The following FBXL17 variants were observed in gnomAD, a reference collection of about 807,000 sequenced individuals.
FBXL17 encodes the protein F-box and leucine rich repeat protein 17.
In FBXL17, 22 loss-of-function variants were observed where a neutral mutation model predicts 66.2. The ratio of observed to expected loss-of-function variants is 0.33; its 90% CI spans 0.24 to 0.47. The LOEUF is 0.47. FBXL17 is among the 20% of genes least tolerant of loss of function. FBXL17 has a pLI of 1.00. For synonymous variants in FBXL17, 474 were observed against 400.5 expected (o/e 1.18, Z -2.19); for missense variants, 878 against 948.2 (o/e 0.93, Z 0.97).
chr5:108,219,841 T>A (rs1424618954), intron 5 of FBXL17, among the ~76,000 whole-genome samples: 2 of 151,492 alleles, frequency 1.3e-5, no homozygotes, highest in African/African-American at 2.4e-5. Context: ...ATCTATCTTA[T>A]CAAATCACTA....
At chr5:108,022,297 G>T (rs956360255) in intron 6 of FBXL17, among the ~76,000 whole-genome samples, 9 of 151,884 alleles carry the variant, frequency 5.9e-5, no homozygotes, top group Non-Finnish European at 8.8e-5. Context: ...GATACAGGTT[G>T]TGAGGGAAAT....
intron 4 of FBXL17, 123 bp downstream of exon 4, chr5:108,348,276 C>T (rs1205482741): frequency 4.9e-6 from 4 of 817,418 alleles, no homozygotes; most frequent in Non-Finnish European, 5.5e-6. Flanking sequence ...AGGATTTTTG[C>T]TTTTGATTAA....
At chr5:108,378,560 C>A (rs996881702) in intron 1 of FBXL17, among the ~76,000 whole-genome samples, 3 of 152,110 alleles carry the variant, frequency 2.0e-5, no homozygotes, top group African/African-American at 7.2e-5. Context: ...TTCCCTTCTC[C>A]AAGTCAAACA....
Position 108,368,527 on chromosome 5 carries a change from C to G in FBXL17, c.994-574G>C, listed in dbSNP as rs551914258. Among the ~76,000 whole-genome samples the G allele has an allele frequency of 3.7e-4, 57 of 152,122 alleles. No homozygotes were observed. In the South Asian group the frequency reaches 9.3e-3, roughly 25 times the overall value. On this transcript the variant is annotated intron_variant, in intron 1 of 8. Transcript: ENST00000542267. ...TAAATGTGGGACATTCTACAAAATA[C>G]TGGATCAAAACTCCTCAAAAAATTC...
At chr5:108,267,122 T>C (rs922734257) in intron 4 of FBXL17, among the ~76,000 whole-genome samples, 7 of 152,172 alleles carry the variant, frequency 4.6e-5, no homozygotes, top group Admixed American at 3.9e-4. Flanking sequence ...TAGCATAATA[T>C]ATTCAGGATT....
intron 2 of FBXL17, among the ~76,000 whole-genome samples, chr5:108,367,087 A>T (rs1042743583): frequency 6.6e-6 from 1 of 152,130 alleles, no homozygotes; most frequent in Non-Finnish European, 1.5e-5. Context: ...TTATCAGCAC[A>T]CTAGTAGTAA....
intron 7 of FBXL17, among the ~76,000 whole-genome samples, chr5:107,920,086 T>C (rs537259152): frequency 4.9e-4 from 74 of 152,330 alleles, no homozygotes; most frequent in African/African-American, 1.7e-3. Context: ...TTCAGTGTTG[T>C]CACTCCTCTT....
At chr5:108,081,770 C>A (rs1237064440) in intron 6 of FBXL17, among the ~76,000 whole-genome samples, 1 of 152,048 alleles carries the variant, frequency 6.6e-6, no homozygotes, top group Non-Finnish European at 1.5e-5. Context: ...GATCTCCTTA[C>A]AACCACATGT....
intron 8 of FBXL17, among the ~76,000 whole-genome samples, chr5:107,871,377 A>C (rs550427890): frequency 1.8e-4 from 27 of 152,338 alleles, no homozygotes; most frequent in South Asian, 1.7e-3. Context: ...AAACGCCTGC[A>C]GTGTTAAGTG....
chr5:107,992,075 C>T (rs1753272684), intron 7 of FBXL17, among the ~76,000 whole-genome samples: 1 of 142,638 alleles, frequency 7.0e-6, no homozygotes, highest in Non-Finnish European at 1.5e-5. Flanking sequence ...CATGCACACA[C>T]ATATCATATT....
chr5:107,910,680 T>C (rs1172730394), intron 7 of FBXL17, among the ~76,000 whole-genome samples: 2 of 152,138 alleles, frequency 1.3e-5, no homozygotes, highest in Non-Finnish European at 2.9e-5. Context: ...TGATATACCA[T>C]TAAAAATATT....
chr5:108,143,207 C>A (rs560411647), intron 6 of FBXL17, among the ~76,000 whole-genome samples: 42 of 151,934 alleles, frequency 2.8e-4, no homozygotes, highest in Non-Finnish European at 6.0e-4. Context: ...GGGACCACTG[C>A]CTTACATGAT....
intron 6 of FBXL17, among the ~76,000 whole-genome samples, chr5:108,085,337 G>C (rs1748927012): frequency 6.6e-6 from 1 of 152,182 alleles, no homozygotes; most frequent in Admixed American, 6.5e-5. Flanking sequence ...AACACAGCCA[G>C]AGGCATTTTC....
intron 3 of FBXL17, among the ~76,000 whole-genome samples, chr5:108,360,325 C>G (rs1269130000): frequency 6.6e-6 from 1 of 152,082 alleles, no homozygotes; most frequent in African/African-American, 2.4e-5. Context: ...TTAATGTCCC[C>G]TTGAGTGCCC....
intron 6 of FBXL17, among the ~76,000 whole-genome samples, chr5:108,053,638 T>C (rs915639482): frequency 1.1e-4 from 16 of 152,098 alleles, no homozygotes; most frequent in African/African-American, 2.9e-4. Flanking sequence ...TGTGGATAAA[T>C]AGCAACACTT....
chr5:108,029,941 A>G (rs17165769), intron 6 of FBXL17, among the ~76,000 whole-genome samples: 49,386 of 151,972 alleles, frequency 0.32, 9,434 homozygotes, highest in Admixed American at 0.43. Flanking sequence ...TAAAAAGTCC[A>G]TTTGTCTGTA....
At chr5:108,135,918 A>G (rs1751114436) in intron 6 of FBXL17, among the ~76,000 whole-genome samples, 1 of 152,116 alleles carries the variant, frequency 6.6e-6, no homozygotes, top group Admixed American at 6.6e-5. Context: ...TCTTCCTCAC[A>G]CTATCCAGAC....
chr5:108,227,027 C>T (rs1460505750), intron 4 of FBXL17, among the ~76,000 whole-genome samples: 1 of 152,128 alleles, frequency 6.6e-6, no homozygotes, highest in East Asian at 1.9e-4. Flanking sequence ...ATCATGTAAG[C>T]CAATTCCTTA....
At chr5:108,195,448 C>T (rs1261103692) in intron 5 of FBXL17, among the ~76,000 whole-genome samples, 2 of 152,058 alleles carry the variant, frequency 1.3e-5, no homozygotes, top group Non-Finnish European at 2.9e-5. Context: ...GGTGCTGCAG[C>T]AGAGTGAATG....
Sources: allele counts gnomAD v4.1 joint callset (sites outside exome capture counted in the v4.1 genomes callset), GRCh38; gene constraint gnomAD v4.1.1; transcripts MANE v1.5; gene names NCBI Gene and HGNC (gene_info 2026-07-23, HGNC 2026-07-21).